SGCE: variants seen among roughly 807,000 people sequenced by gnomAD.
SGCE encodes epsilon-sarcoglycan.
SGCE carries 26 observed loss-of-function variants against 57.8 expected under a neutral mutation model. The observed-to-expected ratio is 0.45, with a 90% CI of 0.33 to 0.62. The LOEUF is 0.62. Ranked by LOEUF, SGCE falls within the 20% of genes least tolerant of loss-of-function variation. The pLI, the probability that SGCE is intolerant of heterozygous loss-of-function variation, is 0.02. For synonymous variants in SGCE, 183 were observed against 189.5 expected (o/e 0.97, Z 0.28); for missense variants, 468 against 548.6 (o/e 0.85, Z 1.47).
chr7:94,638,878 T>C (rs1260666813), intron 1 of SGCE, among the ~76,000 whole-genome samples: 1 of 152,164 alleles, frequency 6.6e-6, no homozygotes, highest in Non-Finnish European at 1.5e-5. Flanking sequence ...CACTAAGTAA[T>C]AGCAAAACAT....
chr7:94,588,726 C>G lies in SGCE; in HGVS notation c.1260G>C (p.Leu420Phe), dbSNP rs1292375157. ...GTTGGGGAATCTGAGTCTGATGTGGCAAGTTCCTAGAAATGATGAACATTT... is the reference window on the plus strand; with the variant it reads ...GTTGGGGAATCTGAGTCTGATGTGGGAAGTTCCTAGAAATGATGAACATTT... ...NMPLMQTQQN[L>F]PHQTQIPQQQ... Residue 420 changes from leucine (L) to phenylalanine (F), a missense_variant, in exon 10 of 11, where the codon TTG (leucine) becomes TTC (phenylalanine). Transcript: ENST00000648936. The G allele has an allele frequency of 6.2e-7, 1 of 1,612,380 alleles. No homozygotes were observed.
chr7:94,587,668 CTTG>C, intron 10 of SGCE: 1 of 1,521,874 alleles, frequency 6.6e-7, no homozygotes, highest in African/African-American at 1.4e-5. Context: ...ATTGAACAGT[CTTG>C]TTGAAACATG....
intron 10 of SGCE, among the ~76,000 whole-genome samples, chr7:94,586,316 A>G (rs932206735): frequency 2.0e-5 from 3 of 152,164 alleles, no homozygotes; most frequent in African/African-American, 7.2e-5. Flanking sequence ...GGTAAAAGAA[A>G]AGAAAAGCTG....
At chr7:94,599,176 T>C (rs1039519076) in intron 8 of SGCE, 1 of 509,524 alleles carries the variant, frequency 2.0e-6, no homozygotes, top group Admixed American at 3.5e-5. Flanking sequence ...TTAAAATACA[T>C]AGGTGTTTTA....
At chr7:94,640,294 A>G (rs1043209426) in intron 1 of SGCE, among the ~76,000 whole-genome samples, 2 of 152,220 alleles carry the variant, frequency 1.3e-5, no homozygotes, top group Admixed American at 1.3e-4. Flanking sequence ...GTTCTTCTCC[A>G]GAGAAATGAT....
chr7:94,632,315 A>T (rs1271009254), intron 1 of SGCE, among the ~76,000 whole-genome samples: 1 of 151,970 alleles, frequency 6.6e-6, no homozygotes. Flanking sequence ...ATATCATCTC[A>T]CTTCAAGAAC....
At chr7:94,615,225 G>GCCT (rs1801694446) in intron 5 of SGCE, among the ~76,000 whole-genome samples, 1 of 152,110 alleles carries the variant, frequency 6.6e-6, no homozygotes, top group Non-Finnish European at 1.5e-5. Context: ...CAGGCACAGT[G>GCCT]GCAGGTGCCT....
rs116284737 is a variant in SGCE, at chr7:94,649,094, G to A, written c.109+6896C>T. Reference sequence around the variant, plus strand: ...CACAACAGATACCATGGCGATTCCCGTGGTACAGGATGCCAAAGATCTATT... The same window carrying A: ...CACAACAGATACCATGGCGATTCCCATGGTACAGGATGCCAAAGATCTATT... On this transcript the variant is annotated intron_variant, in intron 1 of 10. Coordinates refer to ENST00000648936, the MANE Select transcript of SGCE (RefSeq NM_003919.3). Among the ~76,000 whole-genome samples, 1,308 of 152,246 alleles carry A rather than the reference G, an allele frequency of 8.6e-3. 13 individuals carry two copies. Among genetic ancestry groups the A allele is most frequent in the African/African-American group, 0.029 (1,199 of 41,542 alleles).
At chr7:94,653,204 A>T (rs918305733) in intron 1 of SGCE, among the ~76,000 whole-genome samples, 1 of 152,146 alleles carries the variant, frequency 6.6e-6, no homozygotes, top group African/African-American at 2.4e-5. Flanking sequence ...AATGGGTAAA[A>T]TGTCCAAAGA....
intron 1 of SGCE, among the ~76,000 whole-genome samples, chr7:94,638,336 G>C (rs765872912): frequency 1.3e-5 from 2 of 152,316 alleles, no homozygotes; most frequent in African/African-American, 4.8e-5. Flanking sequence ...TTGTGAAAGA[G>C]ATCTGGGGGT....
At chr7:94,631,080 A>G (rs1476372947) in intron 1 of SGCE, among the ~76,000 whole-genome samples, 1 of 151,932 alleles carries the variant, frequency 6.6e-6, no homozygotes, top group Admixed American at 6.6e-5. Context: ...TGTGTAACAG[A>G]GGGAAGGAAG....
intron 5 of SGCE, among the ~76,000 whole-genome samples, chr7:94,609,156 T>C (rs944117377): frequency 4.6e-5 from 7 of 152,214 alleles, no homozygotes; most frequent in African/African-American, 1.7e-4. Flanking sequence ...ATTTGCAAAA[T>C]GCATATCTGA....
intron 1 of SGCE, among the ~76,000 whole-genome samples, chr7:94,655,618 G>A (rs1332981693): frequency 1.3e-5 from 2 of 152,110 alleles, no homozygotes; most frequent in South Asian, 2.1e-4. Flanking sequence ...GGGGAAACGG[G>A]CCCCCCAGAA....
At chr7:94,594,780 T>C (rs1323954409) in intron 9 of SGCE, among the ~76,000 whole-genome samples, 12 of 152,142 alleles carry the variant, frequency 7.9e-5, no homozygotes, top group Admixed American at 7.9e-4. Context: ...TATTAAAGAA[T>C]AAACACATTA....
intron 3 of SGCE, chr7:94,627,923 C>T (rs1803993260): frequency 2.7e-6 from 1 of 363,980 alleles, no homozygotes; most frequent in Admixed American, 4.0e-5. Flanking sequence ...CAATTATTTT[C>T]TCAAATAGAA....
chr7:94,644,638 C>T, intron 1 of SGCE: 7 of 1,286,756 alleles, frequency 5.4e-6, no homozygotes, highest in Non-Finnish European at 7.1e-6. Context: ...TTTCTCTGTC[C>T]ACTACTTCAT....
intron 2 of SGCE, 141 bp from the exon 3 acceptor site, chr7:94,628,500 G>T: frequency 1.6e-6 from 1 of 625,530 alleles, no homozygotes; most frequent in Non-Finnish European, 2.7e-6. Context: ...AACCCATCTG[G>T]GAATTTAAAT....
chr7:94,650,517 G>A (rs1282238407), intron 1 of SGCE, among the ~76,000 whole-genome samples: 4 of 152,156 alleles, frequency 2.6e-5, no homozygotes, highest in African/African-American at 9.7e-5. Context: ...AGGAGGGTGT[G>A]TGTTAAATTA....
intron 10 of SGCE, 44 bp from the exon 11 acceptor site, chr7:94,585,559 A>C: frequency 7.3e-7 from 1 of 1,363,456 alleles, no homozygotes. Flanking sequence ...TAGTCAGGGC[A>C]TGGATACTTT....
Sources: allele counts gnomAD v4.1 joint callset (sites outside exome capture counted in the v4.1 genomes callset), GRCh38; gene constraint gnomAD v4.1.1; transcripts MANE v1.5; gene names NCBI Gene and HGNC (gene_info 2026-07-23, HGNC 2026-07-21).